Variants in RPTOR observed in about 807,000 individuals in gnomAD.
RPTOR encodes the protein regulatory associated protein of MTOR complex 1.
In RPTOR, 21 loss-of-function variants were observed where a neutral mutation model predicts 169.9. The observed-to-expected ratio is 0.12, with a 90% CI of 0.09 to 0.18. RPTOR has a LOEUF of 0.18. Ranked by LOEUF, RPTOR falls within the 10% of genes least tolerant of loss-of-function variation. The pLI is 1.00. For synonymous variants in RPTOR, 732 were observed against 753.2 expected (o/e 0.97, Z 0.46); for missense variants, 1,133 against 1,855.9 (o/e 0.61, Z 7.16).
rs1421403072 is a variant in RPTOR, at chr17:80,695,856, A to C, written c.349-11985A>C. Among the ~76,000 whole-genome samples, 1 of 152,228 alleles carries C rather than the reference A, an allele frequency of 6.6e-6. No individual in the cohort carries two copies. Among genetic ancestry groups the C allele is most frequent in the African/African-American group, 2.4e-5 (1 of 41,460 alleles). On this transcript the variant is annotated intron_variant, in intron 3 of 33. Coordinates refer to ENST00000306801, the MANE Select transcript of RPTOR (RefSeq NM_020761.3). This position sits in a 1 kb window ranked among gnomAD's most constrained non-coding sequence, Gnocchi z 4.9. Reference sequence around the variant, plus strand: ...CTGGAGCTGGTGGGCCAAGGGCCGCAGACCACTTTTGCCCTGCATGGCCTC... The same window carrying C: ...CTGGAGCTGGTGGGCCAAGGGCCGCCGACCACTTTTGCCCTGCATGGCCTC...
At position 80,775,145 on chromosome 17, in the gene RPTOR, C is replaced by T. The variant is rs118059860; in HGVS notation, c.831-16305C>T. ...CCAAAGGTGGAACACCTGTTTCCTG[C>T]AGTGGAGAAGATGGGAAAGCCTTTT... is the stretch of plus-strand genomic sequence containing the variant. On this transcript the variant is annotated intron_variant, in intron 6 of 33. Coordinates refer to ENST00000306801, the MANE Select transcript of RPTOR (RefSeq NM_020761.3). Among the ~76,000 whole-genome samples, 146 of 152,350 alleles carry T rather than the reference C, an allele frequency of 9.6e-4. 2 individuals carry two copies. In the East Asian group the frequency reaches 0.024, roughly 26 times the overall value.
rs2069364300 is a variant in RPTOR at position 80,962,914 on chromosome 17, TTCTC to T, written c.3810-11_3810-8del. On this transcript the variant is annotated splice_polypyrimidine_tract_variant and intron_variant, in intron 32 of 33. Coordinates refer to ENST00000306801, the MANE Select transcript of RPTOR (RefSeq NM_020761.3). ...AAGAGGGCAGTGATGCCGGGACCCT[TTCTC>T]TCCCCACAGTGGCTCCGTCAATCAG... 1.9e-6 allele frequency: 3 copies of T among 1,613,322 alleles called. No individual in the cohort carries two copies. The South Asian group carries it at 3.3e-5, about 18-fold the overall frequency.
At chr17:80,714,854 G>T (rs1598249882) in intron 4 of RPTOR, among the ~76,000 whole-genome samples, 1 of 152,146 alleles carries the variant, frequency 6.6e-6, no homozygotes, top group Non-Finnish European at 1.5e-5. Context: ...CTCCCAAGTG[G>T]CTGGGATTAC....
At chr17:80,657,202 T>C (rs61444012) in intron 3 of RPTOR, among the ~76,000 whole-genome samples, 9,910 of 152,230 alleles carry the variant, frequency 0.065, 1,096 homozygotes, top group African/African-American at 0.23. Context: ...TGGGTCTTTA[T>C]TGGGCCCTTG....
At chr17:80,603,138 A>G (rs1354283922) in intron 1 of RPTOR, among the ~76,000 whole-genome samples, 1 of 152,240 alleles carries the variant, frequency 6.6e-6, no homozygotes, top group Non-Finnish European at 1.5e-5. Flanking sequence ...CATGAAAAAC[A>G]TCTTTATCAA....
chr17:80,949,807 T>C (rs1415657716), intron 28 of RPTOR, among the ~76,000 whole-genome samples: 1 of 152,272 alleles, frequency 6.6e-6, no homozygotes, highest in Non-Finnish European at 1.5e-5. Flanking sequence ...ACCTTCATCC[T>C]TGGCTTGCAG....
intron 9 of RPTOR, among the ~76,000 whole-genome samples, chr17:80,836,359 C>A (rs945858042): frequency 1.3e-5 from 2 of 152,246 alleles, no homozygotes; most frequent in Non-Finnish European, 2.9e-5. Context: ...ATATTGAAAG[C>A]CTGCTATGTG....
At chr17:80,743,803 C>T (rs12941946) in intron 5 of RPTOR, among the ~76,000 whole-genome samples, 1,956 of 117,620 alleles carry the variant, frequency 0.017, 263 homozygotes, top group South Asian at 0.02. Flanking sequence ...ACTAGCACAG[C>T]CCTGGCTACT....
chr17:80,804,507 C>T (rs1022056126), intron 7 of RPTOR: 1 of 152,224 alleles, frequency 6.6e-6, no homozygotes, highest in Non-Finnish European at 1.5e-5. Flanking sequence ...CCTTCTGTTT[C>T]CCTAAAGCAA....
chr17:80,672,601 T>C (rs528875327), intron 3 of RPTOR, among the ~76,000 whole-genome samples: 68 of 152,072 alleles, frequency 4.5e-4, no homozygotes, highest in Non-Finnish European at 8.4e-4. Context: ...CCATCCTGGC[T>C]AACACAGTGA....
In RPTOR at chr17:80,908,806, C is replaced by G; in HGVS notation, c.2402-5C>G. On this transcript the variant is annotated splice_region_variant and splice_polypyrimidine_tract_variant and intron_variant, in intron 20 of 33. Coordinates refer to ENST00000306801, the MANE Select transcript of RPTOR (RefSeq NM_020761.3). ...ACTAAAACATCTTCCATTTCTCTCT[C>G]TCAGGAGTTTCCTTTAACAGTGTTT... is the stretch of plus-strand genomic sequence containing the variant. 2 of 1,605,862 alleles carry G rather than the reference C, an allele frequency of 1.2e-6. No individual in the cohort carries two copies. Among genetic ancestry groups the G allele is most frequent in the Non-Finnish European group, 1.7e-6 (2 of 1,172,568 alleles).
chr17:80,818,091 C>T (rs918307697), intron 7 of RPTOR, among the ~76,000 whole-genome samples: 7 of 152,212 alleles, frequency 4.6e-5, no homozygotes, highest in South Asian at 2.1e-4. Flanking sequence ...GGGGCCACCC[C>T]GGCATCTGCC....
At chr17:80,550,249 C>T (rs557384832) in intron 1 of RPTOR, among the ~76,000 whole-genome samples, 2 of 152,316 alleles carry the variant, frequency 1.3e-5, no homozygotes, top group East Asian at 3.9e-4. Flanking sequence ...CTTCTCTGTT[C>T]TTATTTCACC....
In RPTOR at chr17:80,940,585, G is replaced by C; in HGVS notation, c.3009G>C (p.Gln1003His). 6.2e-7 allele frequency: 1 copy of C among 1,611,392 alleles called. No homozygotes were observed. Among genetic ancestry groups the C allele is most frequent in the Admixed American group, 1.7e-5 (1 of 59,810 alleles). Residue 1003 changes from glutamine to histidine, a missense_variant, in exon 25 of 34, where the codon CAG (glutamine) becomes CAC (histidine). Physicochemically the swap from Gln to His is conservative, Grantham distance 24. Transcript: ENST00000306801. ...ACAGCCGTGTCAGGAGGCAGGCCCAGCAAGTCATTCAGAAGGGTAAGGGCA... is the reference window on the plus strand; with the variant it reads ...ACAGCCGTGTCAGGAGGCAGGCCCACCAAGTCATTCAGAAGGGTAAGGGCA... ...LRNSRVRRQAQQVIQKGITRL... is the reference protein window; with the variant it reads ...LRNSRVRRQAHQVIQKGITRL...
chr17:80,688,522 C>T (rs763559994), intron 3 of RPTOR, among the ~76,000 whole-genome samples: 2 of 152,142 alleles, frequency 1.3e-5, no homozygotes, highest in Non-Finnish European at 2.9e-5. Flanking sequence ...AAGAAGGCTG[C>T]CACCACTCCA....
Position 80,960,328 on chromosome 17 carries a change from G to A in RPTOR, c.3605+123G>A. The A allele has an allele frequency of 7.5e-7, 1 of 1,333,610 alleles. No homozygotes were observed. The highest frequency in any genetic ancestry group is 1.4e-5 in the South Asian group (1 of 73,730). 82.6% of individuals were successfully genotyped at this position (1,333,610 alleles called of 1,614,324 possible). The stretch of plus-strand genomic sequence containing the variant: ...AGTGAGATGCAAAGCTTCCCCAGGA[G>A]CCTGCAGTGGCGTATTTAGGCCAGT... On this transcript the variant is annotated intron_variant, in intron 30 of 33. Coordinates refer to ENST00000306801, the MANE Select transcript of RPTOR (RefSeq NM_020761.3). The surrounding 1 kb of genome is among the most constrained non-coding windows in gnomAD (Gnocchi z 4.8).
rs185453863 is a variant in RPTOR, at chr17:80,924,139, G to A, written c.2808+466G>A. 476 of 167,470 alleles carry A rather than the reference G, an allele frequency of 2.8e-3. 5 individuals are homozygous for A. Among genetic ancestry groups the A allele is most frequent in the African/African-American group, 0.011 (457 of 42,144 alleles). The allele number at this position is 167,470 out of a possible 1,614,324, so 10.4% of individuals were successfully genotyped here. On this transcript the variant is annotated intron_variant, in intron 23 of 33. Transcript: ENST00000306801. The stretch of plus-strand genomic sequence containing the variant: ...ACATCCAAGTACGCTGCATAAATAG[G>A]TACACTCTCTTTGCCTTTAACTAAG...
At chr17:80,816,278 G>A (rs913399203) in intron 7 of RPTOR, among the ~76,000 whole-genome samples, 2 of 152,244 alleles carry the variant, frequency 1.3e-5, no homozygotes, top group Admixed American at 1.3e-4. Context: ...TGGCTGCAGG[G>A]TGCCGCAGAG....
At chr17:80,940,317 G>A (rs960127728) in intron 24 of RPTOR, 179 bp from the exon 25 acceptor site, 1 of 560,624 alleles carries the variant, frequency 1.8e-6, no homozygotes, top group Non-Finnish European at 3.2e-6. Flanking sequence ...AGCTAGCGAG[G>A]GTTTGAGGTG....
Sources: gnomAD v4.1 joint callset for allele counts (sites outside exome capture counted in the v4.1 genomes callset) on GRCh38, gnomAD v4.1.1 for gene constraint, Gnocchi (gnomAD v3.1) non-coding constraint, MANE v1.5 for transcripts, NCBI Gene and HGNC (gene_info 2026-07-23, HGNC 2026-07-21) for gene names.